The following GPM6B variants were observed in gnomAD, a reference collection of about 807,000 sequenced individuals.
GPM6B encodes neuronal membrane glycoprotein M6-b.
Under a neutral mutation model 27.2 loss-of-function variants are expected in GPM6B, and 4 were observed. The ratio of observed to expected loss-of-function variants is 0.15; its 90% confidence interval spans 0.07 to 0.34. GPM6B has a LOEUF of 0.34. Ranked by LOEUF, GPM6B falls within the 10% of genes least tolerant of loss-of-function variation. The pLI, the probability that GPM6B is intolerant of heterozygous loss-of-function variation, is 1.00. For synonymous variants in GPM6B, 124 were observed against 103.1 expected (o/e 1.20, Z -1.23); for missense variants, 183 against 261.9 (o/e 0.70, Z 2.08).
intron 1 of GPM6B, among the ~76,000 whole-genome samples, chrX:13,895,983 A>C (rs1277728933): frequency 1.1e-5 from 1 of 92,788 alleles, no homozygotes; most frequent in Non-Finnish European, 2.1e-5. Flanking sequence ...GTTGCTAGAA[A>C]AACTTTTTTT....
At chrX:13,893,608 G>A (rs970598431) in intron 1 of GPM6B, among the ~76,000 whole-genome samples, 7 of 112,269 alleles carry the variant, frequency 6.2e-5, no homozygotes, top group African/African-American at 2.3e-4. Flanking sequence ...CAGCCAAAAC[G>A]AAGAAAGACA....
intron 1 of GPM6B, among the ~76,000 whole-genome samples, chrX:13,825,569 G>A (rs1170288018): frequency 8.9e-6 from 1 of 112,748 alleles, no homozygotes; most frequent in Admixed American, 9.3e-5. Flanking sequence ...ACCAGAAGGC[G>A]AGGACTTGGC....
At chrX:13,859,514 T>C (rs895429906) in intron 1 of GPM6B, among the ~76,000 whole-genome samples, 4 of 111,591 alleles carry the variant, frequency 3.6e-5, no homozygotes, top group Non-Finnish European at 5.6e-5. Context: ...GGAGCTATTA[T>C]GAATCATGCT....
intron 1 of GPM6B, among the ~76,000 whole-genome samples, chrX:13,858,890 C>T (rs2049811487): frequency 8.9e-6 from 1 of 112,061 alleles, no homozygotes; most frequent in Non-Finnish European, 1.9e-5. Context: ...TATCACAGGT[C>T]CCTTTGGCAT....
intron 2 of GPM6B, among the ~76,000 whole-genome samples, chrX:13,792,257 G>C (rs1040574316): frequency 1.8e-5 from 2 of 111,560 alleles, no homozygotes; most frequent in African/African-American, 6.5e-5. Context: ...CTAGTGAGTA[G>C]AGACCAGGGA....
At chrX:13,781,398 A>T (rs1279721700) in intron 4 of GPM6B, among the ~76,000 whole-genome samples, 1 of 112,035 alleles carries the variant, frequency 8.9e-6, no homozygotes, top group Non-Finnish European at 1.9e-5. Flanking sequence ...ATTCCTAAAC[A>T]AGATAGCACA....
chrX:13,804,420 G>C (rs888038589), intron 2 of GPM6B, among the ~76,000 whole-genome samples: 7 of 80,479 alleles, frequency 8.7e-5, no homozygotes, highest in South Asian at 8.9e-4. Context: ...TGGACGGCGG[G>C]GGGGGCGGGG....
At chrX:13,846,842 C>T (rs1277568021) in intron 1 of GPM6B, among the ~76,000 whole-genome samples, 3 of 93,335 alleles carry the variant, frequency 3.2e-5, no homozygotes, top group Non-Finnish European at 6.2e-5. Context: ...ATCATCTTTC[C>T]TATTACTGAC....
chrX:13,852,643 G>A (rs1007679553), intron 1 of GPM6B, among the ~76,000 whole-genome samples: 28 of 111,023 alleles, frequency 2.5e-4, no homozygotes, highest in Non-Finnish European at 4.3e-4. Flanking sequence ...CAACTTCTTC[G>A]TTCTATTCTA....
At chrX:13,853,883 C>G (rs5935668) in intron 1 of GPM6B, among the ~76,000 whole-genome samples, 49,340 of 110,630 alleles carry the variant, frequency 0.45, 8,160 homozygotes, top group Middle Eastern at 0.48. Flanking sequence ...CCATCCTGAA[C>G]CAGCCTTATC....
At chrX:13,888,249 G>A (rs2050156015) in intron 1 of GPM6B, among the ~76,000 whole-genome samples, 2 of 112,297 alleles carry the variant, frequency 1.8e-5, no homozygotes, top group South Asian at 7.3e-4. Context: ...TAACAAGCTT[G>A]GTATTTAAAA....
chrX:13,888,520 T>C (rs1387678286), intron 1 of GPM6B, among the ~76,000 whole-genome samples: 1 of 112,071 alleles, frequency 8.9e-6, no homozygotes, highest in East Asian at 2.8e-4. Flanking sequence ...TGCCGCATTA[T>C]GCCCAGGCTC....
chrX:13,804,111 T>A (rs558622916), intron 2 of GPM6B, among the ~76,000 whole-genome samples: 1 of 111,630 alleles, frequency 9.0e-6, no homozygotes, highest in African/African-American at 3.3e-5. Context: ...GGAAGTCTTA[T>A]GAAAATGCAG....
intron 1 of GPM6B, among the ~76,000 whole-genome samples, chrX:13,920,846 G>A (rs1407875097): frequency 4.6e-5 from 5 of 108,059 alleles, no homozygotes; most frequent in African/African-American, 1.7e-4. Flanking sequence ...AGCCGAGATC[G>A]CGCCACTATA....
At position 13,830,909 on chromosome X, in the gene GPM6B, G is replaced by C. The variant is rs189022549; in HGVS notation, c.-197-45101C>G. ...TCAGAAGCTGGCCCCTCACTGCAAG[G>C]CCTGATCCAGTAAATTGTCACTGCA... On this transcript the variant is annotated intron_variant, in intron 1 of 6. Transcript: ENST00000398361. 1.3e-3 allele frequency among the ~76,000 whole-genome samples: 146 copies of C among 110,716 alleles called. 1 individual carries two copies. The highest frequency in any genetic ancestry group is 3.5e-3 in the African/African-American group (106 of 30,436).
intron 1 of GPM6B, among the ~76,000 whole-genome samples, chrX:13,917,027 C>A (rs1468101369): frequency 9.0e-6 from 1 of 110,733 alleles, no homozygotes; most frequent in Non-Finnish European, 1.9e-5. Context: ...GCCTGGACAA[C>A]ATGGCAAAAC....
intron 1 of GPM6B, among the ~76,000 whole-genome samples, chrX:13,816,228 C>T (rs1399912770): frequency 6.3e-5 from 7 of 110,668 alleles, no homozygotes; most frequent in African/African-American, 2.3e-4. Flanking sequence ...CAATTTTCTT[C>T]CCCCCAGTCT....
intron 1 of GPM6B, among the ~76,000 whole-genome samples, chrX:13,855,701 A>G (rs2049772744): frequency 8.9e-6 from 1 of 112,163 alleles, no homozygotes; most frequent in South Asian, 3.7e-4. Context: ...ACATGCATAC[A>G]CCTGTATAAC....
rs1163529812 is a variant in GPM6B, at chrX:13,850,437, TAAAC to T, written c.-197-64633_-197-64630del. The stretch of plus-strand genomic sequence containing the variant: ...ACAGTCTCCAGAACTGTGAGTCAAA[TAAAC>T]CTCTTTTCTTATAAATTACCCAGCC... On this transcript the variant is annotated intron_variant, in intron 1 of 6. Transcript: ENST00000398361. 4.4e-5 allele frequency among the ~76,000 whole-genome samples: 5 copies of T among 112,808 alleles called. No homozygotes were observed. The East Asian group carries it at 1.4e-3, about 31-fold the overall frequency.
Sources: allele counts gnomAD v4.1 joint callset (sites outside exome capture counted in the v4.1 genomes callset), GRCh38; gene constraint gnomAD v4.1.1; transcripts MANE v1.5; gene names NCBI Gene and HGNC (gene_info 2026-07-23, HGNC 2026-07-21).